Variants in ZNF407 observed in about 807,000 individuals in gnomAD.
ZNF407 encodes the protein zinc finger protein 407.
Under a neutral mutation model 131.2 loss-of-function variants are expected in ZNF407, and 17 were observed. The observed-to-expected ratio is 0.13, with a 90% CI of 0.09 to 0.19. ZNF407 has a LOEUF of 0.19. Ranked by LOEUF, ZNF407 falls within the 10% of genes least tolerant of loss-of-function variation. ZNF407 has a pLI of 1.00. For missense variants in ZNF407, 2,681 were observed against 2,830.6 expected, an observed-to-expected ratio of 0.95 and a Z score of 1.20; for synonymous variants, 1,156 against 1,062.0, an observed-to-expected ratio of 1.09 and a Z score of -1.72.
At chr18:74,900,465 C>T (rs1160996335) in intron 7 of ZNF407, among the ~76,000 whole-genome samples, 1 of 152,164 alleles carries the variant, frequency 6.6e-6, no homozygotes, top group Admixed American at 6.5e-5. Context: ...TTTTATTTGC[C>T]ACATGTGGAG....
At chr18:74,696,214 CAG>C (rs1212933309) in intron 3 of ZNF407, among the ~76,000 whole-genome samples, 1 of 152,180 alleles carries the variant, frequency 6.6e-6, no homozygotes, top group Non-Finnish European at 1.5e-5. Flanking sequence ...GAGCCCTTGA[CAG>C]GGAGAGTGGA....
intron 3 of ZNF407, among the ~76,000 whole-genome samples, chr18:74,728,754 A>G (rs1469470326): frequency 6.6e-6 from 1 of 152,094 alleles, no homozygotes; most frequent in Non-Finnish European, 1.5e-5. Flanking sequence ...ACCAGTGGAG[A>G]GCGTGCTGTG....
chr18:74,815,455 C>T (rs777242193), intron 4 of ZNF407, among the ~76,000 whole-genome samples: 2 of 152,060 alleles, frequency 1.3e-5, no homozygotes, highest in Non-Finnish European at 2.9e-5. Flanking sequence ...TTGTCCCTGT[C>T]TTTATCATAT....
In ZNF407 at chr18:74,633,030, G is replaced by C; in HGVS notation, c.2011G>C (p.Ala671Pro). The C allele has an allele frequency of 6.2e-7, 1 of 1,613,704 alleles. No homozygotes were observed. The highest frequency in any genetic ancestry group is 2.2e-5 in the East Asian group (1 of 44,842). Residue 671 changes from alanine (A) to proline (P), a missense_variant, in exon 2 of 9, where the codon GCA (alanine) becomes CCA (proline). Physicochemically the swap from Ala to Pro is conservative, Grantham distance 27. Coordinates refer to ENST00000299687, the MANE Select transcript of ZNF407 (RefSeq NM_017757.3). ...TTTGAGTACTTTAGAATCAGAAAAC[G>C]CAAAAGAGTCTATGGATGACTCAGG... Reference protein sequence around the residue: ...LPLSTLESENAKESMDDSGKA... With the variant: ...LPLSTLESENPKESMDDSGKA...
At chr18:74,844,209 T>C (rs1191964440) in intron 4 of ZNF407, among the ~76,000 whole-genome samples, 1 of 152,150 alleles carries the variant, frequency 6.6e-6, no homozygotes, top group African/African-American at 2.4e-5. Flanking sequence ...CCTTCCCCCA[T>C]GGCTTGCTTC....
chr18:74,638,362 G>A (rs1196078772), intron 2 of ZNF407, among the ~76,000 whole-genome samples: 6 of 149,104 alleles, frequency 4.0e-5, no homozygotes, highest in Non-Finnish European at 9.0e-5. Flanking sequence ...ATAAATGAAC[G>A]AGCAGATGAA....
intron 3 of ZNF407, among the ~76,000 whole-genome samples, chr18:74,755,579 C>G (rs1228744629): frequency 7.5e-5 from 1 of 13,268 alleles, no homozygotes; most frequent in Non-Finnish European, 1.4e-4. Flanking sequence ...TTCCTCCTTT[C>G]TGGTTTTTTT....
chr18:74,607,754 T>C (rs1224058911), intron 1 of ZNF407, among the ~76,000 whole-genome samples: 1 of 152,186 alleles, frequency 6.6e-6, no homozygotes, highest in Non-Finnish European at 1.5e-5. Flanking sequence ...AAAAATCTCA[T>C]CAGGCCCTAG....
intron 4 of ZNF407, among the ~76,000 whole-genome samples, chr18:74,855,372 A>G (rs1970845096): frequency 6.6e-6 from 1 of 152,018 alleles, no homozygotes. Flanking sequence ...AGCAAAACGT[A>G]TGTTTAAAAT....
intron 4 of ZNF407, among the ~76,000 whole-genome samples, chr18:74,847,970 A>G (rs957733799): frequency 3.3e-5 from 5 of 152,124 alleles, no homozygotes; most frequent in African/African-American, 1.2e-4. Context: ...GTGTGTGTAT[A>G]CTGACTAGTT....
intron 8 of ZNF407, among the ~76,000 whole-genome samples, chr18:75,034,843 C>G (rs1339170376): frequency 2.0e-5 from 3 of 152,144 alleles, no homozygotes; most frequent in Non-Finnish European, 2.9e-5. Flanking sequence ...CTGGGGGAAA[C>G]TAAGTTGACA....
chr18:74,742,812 A>T (rs1251319784), intron 3 of ZNF407, among the ~76,000 whole-genome samples: 6 of 152,102 alleles, frequency 3.9e-5, no homozygotes, highest in Admixed American at 3.9e-4. Flanking sequence ...TAGCTCATAA[A>T]TTCTGTGGTC....
intron 8 of ZNF407, among the ~76,000 whole-genome samples, chr18:75,047,241 T>C (rs1973445609): frequency 6.6e-6 from 1 of 152,164 alleles, no homozygotes; most frequent in East Asian, 1.9e-4. Flanking sequence ...ATGTCAAAAA[T>C]AGGAACAAAA....
chr18:74,600,687 A>G (rs1340877445), intron 1 of ZNF407, among the ~76,000 whole-genome samples: 1 of 152,212 alleles, frequency 6.6e-6, no homozygotes, highest in Non-Finnish European at 1.5e-5. Context: ...TCACTGGGCA[A>G]AGAGATAAAG....
chr18:74,862,858 A>T (rs527510317), intron 4 of ZNF407, among the ~76,000 whole-genome samples: 6 of 152,082 alleles, frequency 3.9e-5, no homozygotes, highest in Non-Finnish European at 4.4e-5. Flanking sequence ...ACTTTATAGT[A>T]ATTAAAATGT....
At position 75,064,688 on chromosome 18, in the gene ZNF407, A is replaced by G; in HGVS notation, c.*220A>G. On this transcript the variant is annotated 3_prime_UTR_variant, in exon 9 of 9. Transcript: ENST00000299687. The stretch of plus-strand genomic sequence containing the variant: ...CCTCGGGGAGCAGGCTGCCAAGTGC[A>G]GGGGAGGGCCGGGCGCAGGCCGCAC... The G allele has an allele frequency of 4.3e-6, 2 of 462,428 alleles. No individual in the cohort carries two copies. Among genetic ancestry groups the G allele is most frequent in the South Asian group, 1.3e-4 (2 of 15,960 alleles). 28.6% of individuals were successfully genotyped at this position (462,428 alleles called of 1,614,324 possible).
In ZNF407 at chr18:74,960,233, G is replaced by A. The variant is rs533633833; in HGVS notation, c.5428+39541G>A. 6.4e-3 allele frequency among the ~76,000 whole-genome samples: 974 copies of A among 151,556 alleles called. 1 individual carries two copies. Among genetic ancestry groups the A allele is most frequent in the Non-Finnish European group, 9.3e-3 (628 of 67,614 alleles). ...GAAGGTCCTGAGTGTGGACTGGGTG[G>A]AGGGATAGGAGAAGGTCCTGAGTGA... On this transcript the variant is annotated intron_variant, in intron 8 of 8. Coordinates refer to ENST00000299687, the MANE Select transcript of ZNF407 (RefSeq NM_017757.3).
chr18:74,634,363 C>A lies in ZNF407; in HGVS notation c.3344C>A (p.Pro1115Gln), dbSNP rs1281143323. The change falls in exon 2 of 9, where the codon CCA becomes CAA. Residue 1115 changes from proline to glutamine, a missense_variant. Pro to Gln is a moderately conservative substitution (Grantham distance 76, BLOSUM62 -1). Around this residue, in one of 6 missense-constraint regions of ZNF407, gnomAD observed 1,789 missense variants for 1,748.7 expected, o/e 1.02. Coordinates refer to ENST00000299687, the MANE Select transcript of ZNF407 (RefSeq NM_017757.3). ...GAATTTCAAATAATTTCAGGTCAACCATCTGATACTCTTAAATCTAGAAAT... is the reference window on the plus strand; with the variant it reads ...GAATTTCAAATAATTTCAGGTCAACAATCTGATACTCTTAAATCTAGAAAT... ...SEEFQIISGQ[P>Q]SDTLKSRNAA... 6.2e-6 allele frequency: 10 copies of A among 1,613,690 alleles called. No homozygotes were observed. Among genetic ancestry groups the A allele is most frequent in the Non-Finnish European group, 8.5e-6 (10 of 1,179,886 alleles).
intron 1 of ZNF407, among the ~76,000 whole-genome samples, chr18:74,603,963 A>G (rs1982689156): frequency 6.6e-6 from 1 of 152,252 alleles, no homozygotes; most frequent in South Asian, 2.1e-4. Context: ...ACTGCCATAA[A>G]GAACAAAGGA....
Sources: gnomAD v4.1 joint callset for allele counts (sites outside exome capture counted in the v4.1 genomes callset) on GRCh38, gnomAD v4.1.1 for gene constraint, gnomAD v4.1.1 regional missense constraint, MANE v1.5 for transcripts, NCBI Gene and HGNC (gene_info 2026-07-23, HGNC 2026-07-21) for gene names.